The following STMN1 variants were observed in gnomAD, a reference collection of about 807,000 sequenced individuals.
STMN1 encodes the protein stathmin.
In STMN1, 3 loss-of-function variants were observed where a neutral mutation model predicts 19.7. The ratio of observed to expected loss-of-function variants is 0.15; its 90% CI spans 0.07 to 0.39. STMN1 has a LOEUF of 0.39. STMN1 is among the 10% of genes least tolerant of loss of function. STMN1 has a pLI of 1.00. For synonymous variants in STMN1, 59 were observed against 58.9 expected (o/e 1.00, Z -0.01); for missense variants, 99 against 176.0 (o/e 0.56, Z 2.48).
intron 3 of STMN1, 91 bp downstream of exon 3, chr1:25,903,550 T>C: frequency 1.3e-6 from 2 of 1,528,084 alleles, no homozygotes; most frequent in Non-Finnish European, 1.8e-6. Context: ...ACAGTGTAGC[T>C]ACAATTCTGT....
intron 1 of STMN1, chr1:25,905,482 G>A (rs1179680925): frequency 6.6e-6 from 1 of 152,226 alleles, no homozygotes; most frequent in Non-Finnish European, 1.5e-5. Context: ...CCCAGGATGG[G>A]CGTGGCCCTG....
chr1:25,897,944 A>G (rs1314964424), downstream of STMN1, among the ~76,000 whole-genome samples: 1 of 152,176 alleles, frequency 6.6e-6, no homozygotes, highest in Non-Finnish European at 1.5e-5. Context: ...GTGCAGTGTC[A>G]GTCACATGGA....
At position 25,900,320 on chromosome 1, in the gene STMN1, G is replaced by T. The variant is rs374291172; in HGVS notation, c.*696C>A. 1.2e-5 allele frequency: 12 copies of T among 985,834 alleles called. No homozygotes were observed. The African/African-American group carries it at 1.6e-4, about 13-fold the overall frequency. The allele number at this position is 985,834 out of a possible 1,614,324, so 61.1% of individuals were successfully genotyped here. Reference sequence around the variant, plus strand: ...TTAAAAGGGACACAGAACAAAAAATGGTTGTTTGCAAATAAACATCTGAAA... The same window carrying T: ...TTAAAAGGGACACAGAACAAAAAATTGTTGTTTGCAAATAAACATCTGAAA... On this transcript the variant is annotated 3_prime_UTR_variant, in exon 5 of 5. Transcript: ENST00000455785.
Position 25,900,138 on chromosome 1 carries a change from T to C in STMN1, c.*878A>G, listed in dbSNP as rs2048854456. On this transcript the variant is annotated 3_prime_UTR_variant, in exon 5 of 5. Coordinates refer to ENST00000455785, the MANE Select transcript of STMN1 (RefSeq NM_005563.4). ...GAGTTGCTACAGCAGTACATAAAGT[T>C]TTATTAATATTCTGATTCTCGTGTC... 3 of 985,810 alleles carry C rather than the reference T, an allele frequency of 3.0e-6. No individual in the cohort carries two copies. In the African/African-American group the frequency reaches 5.2e-5, roughly 17 times the overall value. The allele number at this position is 985,810 out of a possible 1,614,324, so 61.1% of individuals were successfully genotyped here.
At chr1:25,897,845 A>G (rs960058411), downstream of STMN1, among the ~76,000 whole-genome samples, 2 of 152,210 alleles carry the variant, frequency 1.3e-5, no homozygotes, top group Non-Finnish European at 2.9e-5. Context: ...TTAAGTGCTC[A>G]GTAAATAGTA....
At chr1:25,896,866 C>G (rs1460733797), downstream of STMN1, among the ~76,000 whole-genome samples, 1 of 152,204 alleles carries the variant, frequency 6.6e-6, no homozygotes, top group Admixed American at 6.5e-5. Context: ...AGCAATGTGT[C>G]TGGGTCCTTG....
At chr1:25,901,464 A>AAG (rs763924811) in intron 4 of STMN1, 27 bp downstream of exon 4, 1 of 1,584,884 alleles carries the variant, frequency 6.3e-7, no homozygotes, top group South Asian at 1.2e-5. Flanking sequence ...CTCCAAGCTC[A>AAG]ACCCTTTTAC....
At position 25,900,983 on chromosome 1, in the gene STMN1, G is replaced by C. The variant is rs895422721; in HGVS notation, c.*33C>G. ...AGTACAGTCTTTGGATATTTAGGAA[G>C]GGGATGGGGAGAAAGTCAGTTCTCA... is the stretch of plus-strand genomic sequence containing the variant. On this transcript the variant is annotated 3_prime_UTR_variant, in exon 5 of 5. Coordinates refer to ENST00000455785, the MANE Select transcript of STMN1 (RefSeq NM_005563.4). 6.2e-7 allele frequency: 1 copy of C among 1,611,928 alleles called. No individual in the cohort carries two copies. The highest frequency in any genetic ancestry group is 8.5e-7 in the Non-Finnish European group (1 of 1,179,362).
In STMN1 at chr1:25,900,794, A is replaced by C; in HGVS notation, c.*222T>G. 1 of 1,356,826 alleles carries C rather than the reference A, an allele frequency of 7.4e-7. No individual in the cohort carries two copies. Among genetic ancestry groups the C allele is most frequent in the Admixed American group, 3.4e-5 (1 of 29,338 alleles). The allele number at this position is 1,356,826 out of a possible 1,614,324, so 84.0% of individuals were successfully genotyped here. On this transcript the variant is annotated 3_prime_UTR_variant, in exon 5 of 5. Transcript: ENST00000455785. Reference sequence around the variant, plus strand: ...AAAAGATGCAACAAGAAAAATAGCTACATTAGAAAGACCAACACTTTAGAA... The same window carrying C: ...AAAAGATGCAACAAGAAAAATAGCTCCATTAGAAAGACCAACACTTTAGAA...
chr1:25,904,127 A>T (rs551758136), intron 2 of STMN1, among the ~76,000 whole-genome samples: 3 of 152,336 alleles, frequency 2.0e-5, no homozygotes, highest in Admixed American at 2.0e-4. Context: ...AGCCTGGGCA[A>T]CAAAGGGAAA....
Position 25,900,768 on chromosome 1 carries a change from G to T in STMN1, c.*248C>A. On this transcript the variant is annotated 3_prime_UTR_variant, in exon 5 of 5. Transcript: ENST00000455785. ...CCAGTACACCAAGTGTACTGAAGTA[G>T]AAAAGATGCAACAAGAAAAATAGCT... 7.6e-7 allele frequency: 1 copy of T among 1,316,786 alleles called. No homozygotes were observed. Among genetic ancestry groups the T allele is most frequent in the East Asian group, 3.0e-5 (1 of 32,990 alleles). The allele number at this position is 1,316,786 out of a possible 1,614,324, so 81.6% of individuals were successfully genotyped here.
In STMN1 at chr1:25,892,535, G is replaced by A. The variant is rs956653220; in HGVS notation, c.379-6666C>T. 6.1e-6 allele frequency: 6 copies of A among 985,032 alleles called. No homozygotes were observed. The East Asian group carries it at 5.7e-4, about 93-fold the overall frequency. 61.0% of individuals were successfully genotyped at this position (985,032 alleles called of 1,614,324 possible). On this transcript the variant is annotated intron_variant, in intron 4 of 4. Coordinates refer to the STMN1 transcript ENST00000426559. ...TTACCTCAGATTCCTTCTTTAAACA[G>A]GGAGGGTAGATGCCACCACGGCTGA... is the stretch of plus-strand genomic sequence containing the variant.
downstream of STMN1, among the ~76,000 whole-genome samples, chr1:25,896,822 G>A (rs2048821376): frequency 6.6e-6 from 1 of 152,216 alleles, no homozygotes; most frequent in Non-Finnish European, 1.5e-5. Context: ...TGGGCAAAAA[G>A]GGAGGAGGCA....
rs2124258405 is a variant in STMN1, at chr1:25,904,860, T to G, written c.-62-122A>C. 5.4e-6 allele frequency: 3 copies of G among 554,078 alleles called. 1 individual carries two copies. In the Middle Eastern group the frequency reaches 8.3e-4, roughly 153 times the overall value. The allele number at this position is 554,078 out of a possible 1,614,324, so 34.3% of individuals were successfully genotyped here. A position where few individuals can be genotyped will look rare whatever the true frequency, so the allele number is the denominator to read the frequency against. On this transcript the variant is annotated intron_variant, in intron 1 of 4. Transcript: ENST00000455785. The stretch of plus-strand genomic sequence containing the variant: ...GAAAAATACGTGGAATAAAGACGTC[T>G]AAATTAACCACGAAAAAAATTATCA...
chr1:25,900,768 G>C lies in STMN1; in HGVS notation c.*248C>G. The stretch of plus-strand genomic sequence containing the variant: ...CCAGTACACCAAGTGTACTGAAGTA[G>C]AAAAGATGCAACAAGAAAAATAGCT... On this transcript the variant is annotated 3_prime_UTR_variant, in exon 5 of 5. Transcript: ENST00000455785. 3 of 1,316,786 alleles carry C rather than the reference G, an allele frequency of 2.3e-6. 1 individual carries two copies. Among genetic ancestry groups the C allele is most frequent in the Non-Finnish European group, 2.9e-6 (3 of 1,034,446 alleles). 81.6% of individuals were successfully genotyped at this position (1,316,786 alleles called of 1,614,324 possible).
chr1:25,896,229 A>C (rs1447768346), downstream of STMN1, among the ~76,000 whole-genome samples: 1 of 152,168 alleles, frequency 6.6e-6, no homozygotes, highest in Non-Finnish European at 1.5e-5. Context: ...TCGCCTATGG[A>C]ATGGCCATGA....
downstream of STMN1, among the ~76,000 whole-genome samples, chr1:25,896,523 A>G (rs1221030199): frequency 6.6e-6 from 1 of 151,930 alleles, no homozygotes; most frequent in Non-Finnish European, 1.5e-5. Flanking sequence ...TATGGATCCA[A>G]TTTCAGCAGC....
rs2048855002 is a variant in STMN1 at position 25,900,184 on chromosome 1, G to C, written c.*832C>G. 1 of 985,676 alleles carries C rather than the reference G, an allele frequency of 1.0e-6. No individual in the cohort carries two copies. The highest frequency in any genetic ancestry group is 1.7e-5 in the African/African-American group (1 of 57,230). 61.1% of individuals were successfully genotyped at this position (985,676 alleles called of 1,614,324 possible). ...GTGTCATAGCTTTTATGGCAGGAAA[G>C]GATGAGGACATGCCCCACCTGTAAC... is the stretch of plus-strand genomic sequence containing the variant. On this transcript the variant is annotated 3_prime_UTR_variant, in exon 5 of 5. Coordinates refer to ENST00000455785, the MANE Select transcript of STMN1 (RefSeq NM_005563.4).
downstream of STMN1, among the ~76,000 whole-genome samples, chr1:25,896,476 G>A (rs978253724): frequency 2.0e-5 from 3 of 152,090 alleles, no homozygotes; most frequent in Admixed American, 2.0e-4. Context: ...TGGCTGCTAT[G>A]AGGTAGCTGG....
Sources: gnomAD v4.1 joint callset for allele counts (sites outside exome capture counted in the v4.1 genomes callset) on GRCh38, gnomAD v4.1.1 for gene constraint, MANE v1.5 for transcripts, NCBI Gene and HGNC (gene_info 2026-07-23, HGNC 2026-07-21) for gene names.